The following EPSTI1 variants were observed in gnomAD, a reference collection of about 807,000 sequenced individuals.
EPSTI1 encodes epithelial stromal interaction 1.
EPSTI1 carries 66 observed loss-of-function variants against 49.9 expected under a neutral mutation model. That is an observed-to-expected ratio of 1.32 (90% CI 1.08 to 1.62). The LOEUF is 1.62. Among genes scored for constraint, EPSTI1 ranks in the 40% most tolerant of loss-of-function variants. The pLI is 0.00. For synonymous variants in EPSTI1, 137 were observed against 130.7 expected (o/e 1.05, Z -0.33); for missense variants, 394 against 365.5 (o/e 1.08, Z -0.64).
Position 42,970,308 on chromosome 13 carries a change from C to T in EPSTI1, c.247+304G>A, listed in dbSNP as rs924173985. ...GCATTAAGTACAGAGAGCACAAAAA[C>T]GAGTAAGATGTGGTCCCTACCCTCA... On this transcript the variant is annotated intron_variant, in intron 2 of 10. Transcript: ENST00000313624. The T allele has an allele frequency of 2.4e-5, 6 of 248,328 alleles. No homozygotes were observed. In the South Asian group the frequency reaches 3.2e-4, roughly 13 times the overall value. 15.4% of individuals were successfully genotyped at this position (248,328 alleles called of 1,614,324 possible). A position where few individuals can be genotyped will look rare whatever the true frequency, so the allele number is the denominator to read the frequency against.
At chr13:42,895,901 C>T (rs546135730) in intron 9 of EPSTI1, among the ~76,000 whole-genome samples, 3 of 152,192 alleles carry the variant, frequency 2.0e-5, no homozygotes, top group African/African-American at 7.2e-5. Context: ...ATGCCTGGTG[C>T]ATAGCAGCAA....
chr13:42,926,431 T>C lies in EPSTI1; in HGVS notation c.564-2A>G. ...TTGCTCAAGAACTCAGCGGTTTTGC[T>C]ACCAGAAACACAAACAGGTGTTAGT... On this transcript the variant is annotated splice_acceptor_variant, in intron 6 of 10. Coordinates refer to ENST00000313624, the MANE Select transcript of EPSTI1 (RefSeq NM_033255.5). LOFTEE classifies it high-confidence loss of function. The C allele has an allele frequency of 1.9e-6, 3 of 1,596,754 alleles. No individual in the cohort carries two copies. Among genetic ancestry groups the C allele is most frequent in the Non-Finnish European group, 2.6e-6 (3 of 1,164,194 alleles).
At chr13:42,964,919 A>G (rs2039562369) in intron 3 of EPSTI1, among the ~76,000 whole-genome samples, 1 of 152,240 alleles carries the variant, frequency 6.6e-6, no homozygotes, top group Non-Finnish European at 1.5e-5. Context: ...TGCTTTGGTC[A>G]CTAAAAGTGT....
chr13:42,899,763 A>G (rs1439651588), intron 9 of EPSTI1, among the ~76,000 whole-genome samples: 2 of 152,146 alleles, frequency 1.3e-5, no homozygotes, highest in African/African-American at 4.8e-5. Context: ...CAGTAACATG[A>G]TATTTTACTA....
At chr13:42,913,836 TG>T (rs937848465) in intron 8 of EPSTI1, among the ~76,000 whole-genome samples, 81 of 152,326 alleles carry the variant, frequency 5.3e-4, no homozygotes, top group African/African-American at 1.9e-3. Flanking sequence ...TCCCCAATCT[TG>T]GGGAAGGGAC....
Position 42,991,980 on chromosome 13 carries a change from C to T in EPSTI1, c.186G>A (p.Arg62=). 3 of 1,612,460 alleles carry T rather than the reference C, an allele frequency of 1.9e-6. No homozygotes were observed. Among genetic ancestry groups the T allele is most frequent in the Non-Finnish European group, 2.5e-6 (3 of 1,179,754 alleles). Reference sequence around the variant, plus strand: ...AGCCAGGTTGTTAAAATACTCACCGCCTCTGGCCCGCGTGCACGACGCTCT... The same window carrying T: ...AGCCAGGTTGTTAAAATACTCACCGTCTCTGGCCCGCGTGCACGACGCTCT... The part of the protein sequence containing the change: ...SRESVVHAGQ[R]RTSAYTLIAP... Residue 62 remains arginine (R), a splice_region_variant and synonymous_variant, in exon 1 of 11, where the codon AGG becomes AGA. Coordinates refer to ENST00000313624, the MANE Select transcript of EPSTI1 (RefSeq NM_033255.5).
At chr13:42,989,338 T>A (rs1055457627) in intron 1 of EPSTI1, among the ~76,000 whole-genome samples, 5 of 152,048 alleles carry the variant, frequency 3.3e-5, no homozygotes, top group Non-Finnish European at 7.4e-5. Flanking sequence ...AACTGAGGCA[T>A]AAAGTAGCTA....
intron 1 of EPSTI1, among the ~76,000 whole-genome samples, chr13:42,988,971 C>T (rs936616670): frequency 6.6e-6 from 1 of 151,872 alleles, no homozygotes; most frequent in Non-Finnish European, 1.5e-5. Flanking sequence ...AGCTATCCTC[C>T]TGCCTCAGCC....
At chr13:42,914,078 A>C (rs927715106) in intron 8 of EPSTI1, among the ~76,000 whole-genome samples, 2 of 152,186 alleles carry the variant, frequency 1.3e-5, no homozygotes, top group African/African-American at 4.8e-5. Flanking sequence ...ACTGTGAGCC[A>C]ATTAAACCTC....
At chr13:42,963,570 G>A (rs1566163033) in intron 4 of EPSTI1, 4 of 539,674 alleles carry the variant, frequency 7.4e-6, no homozygotes, top group East Asian at 6.4e-5. Context: ...CTTTTTCAAC[G>A]TCTCTGTCTT....
chr13:42,930,120 C>T (rs1323159797), intron 6 of EPSTI1, among the ~76,000 whole-genome samples: 1 of 152,214 alleles, frequency 6.6e-6, no homozygotes, highest in Non-Finnish European at 1.5e-5. Context: ...CTTAAGTCTA[C>T]ATGACTCTGA....
At chr13:42,889,510 C>T (rs537728981) in intron 10 of EPSTI1, among the ~76,000 whole-genome samples, 1 of 152,232 alleles carries the variant, frequency 6.6e-6, no homozygotes, top group African/African-American at 2.4e-5. Flanking sequence ...TTACTGGTTC[C>T]GATATTTCCT....
intron 8 of EPSTI1, among the ~76,000 whole-genome samples, chr13:42,905,849 G>A (rs1488583844): frequency 1.3e-5 from 2 of 152,190 alleles, no homozygotes; most frequent in East Asian, 1.9e-4. Context: ...GGGAATACAA[G>A]GAAGGAATGC....
chr13:42,956,826 T>C (rs1158904518), intron 5 of EPSTI1, among the ~76,000 whole-genome samples: 1 of 152,178 alleles, frequency 6.6e-6, no homozygotes, highest in African/African-American at 2.4e-5. Context: ...GAACAACGTT[T>C]ATAGAGAAAG....
intron 7 of EPSTI1, among the ~76,000 whole-genome samples, chr13:42,925,721 C>T (rs552224363): frequency 7.9e-5 from 12 of 152,350 alleles, no homozygotes; most frequent in Admixed American, 3.9e-4. Context: ...AATTCTTGCT[C>T]TATGTGTCTT....
intron 8 of EPSTI1, among the ~76,000 whole-genome samples, chr13:42,915,080 C>T (rs73183910): frequency 3.9e-5 from 6 of 152,228 alleles, no homozygotes; most frequent in Non-Finnish European, 8.8e-5. Context: ...AGTAGGTATC[C>T]AATAAATATT....
intron 6 of EPSTI1, among the ~76,000 whole-genome samples, chr13:42,932,181 C>T (rs1030504600): frequency 6.6e-6 from 1 of 152,088 alleles, no homozygotes; most frequent in Non-Finnish European, 1.5e-5. Context: ...GATCCTCCCA[C>T]CTCAGCCTCC....
chr13:42,909,527 G>A (rs1023398791), intron 8 of EPSTI1, among the ~76,000 whole-genome samples: 3 of 152,050 alleles, frequency 2.0e-5, no homozygotes, highest in Admixed American at 6.6e-5. Flanking sequence ...CCAAGATATG[G>A]AATCAACCTA....
chr13:42,931,359 C>CTGTAGT (rs2153422967), intron 6 of EPSTI1, among the ~76,000 whole-genome samples: 1 of 151,894 alleles, frequency 6.6e-6, no homozygotes, highest in South Asian at 2.1e-4. Context: ...GCGCCCGCCA[C>CTGTAGT]CGCGCCCGGC....
Sources: gnomAD v4.1 joint callset for allele counts (sites outside exome capture counted in the v4.1 genomes callset) on GRCh38, gnomAD v4.1.1 for gene constraint, MANE v1.5 for transcripts, NCBI Gene and HGNC (gene_info 2026-07-23, HGNC 2026-07-21) for gene names.